The following SESN1 variants were observed in gnomAD, a reference collection of about 807,000 sequenced individuals.
The protein encoded by SESN1 is sestrin 1.
In SESN1, 30 loss-of-function variants were observed where a neutral mutation model predicts 59.3. That is an observed-to-expected ratio of 0.51 (90% confidence interval 0.38 to 0.69). The LOEUF (loss-of-function observed/expected upper bound fraction) is 0.69. SESN1 is among the 30% of genes least tolerant of loss of function. SESN1 has a pLI of 0.00. For synonymous variants in SESN1, 197 were observed against 219.9 expected, an observed-to-expected ratio of 0.90 and a Z score of 0.92; for missense variants, 566 against 673.0, an observed-to-expected ratio of 0.84 and a Z score of 1.76.
At chr6:109,032,632 G>A (rs1284039655) in intron 1 of SESN1, among the ~76,000 whole-genome samples, 1 of 151,872 alleles carries the variant, frequency 6.6e-6, no homozygotes, top group Non-Finnish European at 1.5e-5. Flanking sequence ...GGGGAGTGGG[G>A]GGGAAGAGAA....
At chr6:109,013,157 G>A (rs760452756) in intron 1 of SESN1, among the ~76,000 whole-genome samples, 9 of 152,104 alleles carry the variant, frequency 5.9e-5, no homozygotes, top group East Asian at 1.9e-4. Context: ...TAAAGAATAC[G>A]GATTTCATTC....
intron 9 of SESN1, 21 bp downstream of exon 9, chr6:108,988,522 T>C (rs2128526744): frequency 6.3e-7 from 1 of 1,583,298 alleles, no homozygotes; most frequent in East Asian, 2.3e-5. Context: ...ACAAAGTAAA[T>C]AAGCCACAAT....
intron 1 of SESN1, among the ~76,000 whole-genome samples, chr6:109,046,696 G>A (rs1254980136): frequency 5.9e-5 from 8 of 136,150 alleles, no homozygotes; most frequent in African/African-American, 1.4e-4. Flanking sequence ...CTGCCCGGCC[G>A]CCCATCGTCT....
chr6:109,038,262 G>A (rs1780277485), intron 1 of SESN1, among the ~76,000 whole-genome samples: 1 of 152,230 alleles, frequency 6.6e-6, no homozygotes, highest in Non-Finnish European at 1.5e-5. Context: ...AGAGACCAAG[G>A]TGGGCAGATC....
At chr6:109,012,960 A>C (rs1779884023) in intron 1 of SESN1, among the ~76,000 whole-genome samples, 1 of 125,508 alleles carries the variant, frequency 8.0e-6, no homozygotes, top group African/African-American at 2.5e-5. Flanking sequence ...CTGAAAATAC[A>C]AAAAAATTAG....
intron 1 of SESN1, among the ~76,000 whole-genome samples, chr6:109,029,384 A>C (rs1422273270): frequency 6.6e-6 from 1 of 152,244 alleles, no homozygotes; most frequent in Non-Finnish European, 1.5e-5. Flanking sequence ...GCAATTCTTA[A>C]GAGAAGCAGG....
At chr6:109,089,204 G>A (rs1056419277) in intron 1 of SESN1, among the ~76,000 whole-genome samples, 10 of 152,134 alleles carry the variant, frequency 6.6e-5, no homozygotes, top group African/African-American at 2.2e-4. Context: ...AATTGCATAT[G>A]CACCACAGCT....
intron 5 of SESN1, 89 bp from the exon 6 acceptor site, chr6:108,994,698 CTTTTTTT>C (rs11395949): frequency 1.2e-4 from 35 of 293,018 alleles, no homozygotes; most frequent in Non-Finnish European, 1.5e-4. Flanking sequence ...GAATTTATAT[CTTTTTTT>C]TTTTTTTTTT....
intron 6 of SESN1, among the ~76,000 whole-genome samples, chr6:108,993,906 C>G (rs572629938): frequency 1.9e-3 from 288 of 151,964 alleles, no homozygotes; most frequent in African/African-American, 6.7e-3. Context: ...ACTCTAGAAG[C>G]AATCTTGGGA....
chr6:109,001,493 A>G lies in SESN1; in HGVS notation c.346-5T>C. 4.3e-6 allele frequency: 7 copies of G among 1,609,840 alleles called. No individual in the cohort carries two copies. Among genetic ancestry groups the G allele is most frequent in the Non-Finnish European group, 5.9e-6 (7 of 1,177,820 alleles). ...TTCACTCCCCACTTGGAGGATCTGT[A>G]TAAATGAGAAAAACCATGGTTACTG... On this transcript the variant is annotated splice_polypyrimidine_tract_variant and splice_region_variant and intron_variant, in intron 2 of 9. Coordinates refer to ENST00000436639, the MANE Select transcript of SESN1 (RefSeq NM_014454.3).
At chr6:109,085,477 C>G (rs1781198735) in intron 1 of SESN1, among the ~76,000 whole-genome samples, 1 of 151,904 alleles carries the variant, frequency 6.6e-6, no homozygotes, top group South Asian at 2.1e-4. Flanking sequence ...CGAGGTCGCA[C>G]CACTGCACTC....
intron 1 of SESN1, among the ~76,000 whole-genome samples, chr6:109,084,530 G>A (rs1310302219): frequency 6.6e-6 from 1 of 152,018 alleles, no homozygotes; most frequent in Non-Finnish European, 1.5e-5. Context: ...TCCAGCCTGG[G>A]CAACAAGAGC....
At chr6:109,080,707 A>G (rs1781106790) in intron 1 of SESN1, among the ~76,000 whole-genome samples, 1 of 152,174 alleles carries the variant, frequency 6.6e-6, no homozygotes, top group South Asian at 2.1e-4. Context: ...AATGAGGTAT[A>G]ATGTTGGAAA....
chr6:109,074,381 A>G (rs1463931652), intron 1 of SESN1, among the ~76,000 whole-genome samples: 1 of 152,228 alleles, frequency 6.6e-6, no homozygotes, highest in Non-Finnish European at 1.5e-5. Context: ...TAAAAATGAA[A>G]TGAGAAAATT....
At chr6:109,054,873 T>C (rs544150891) in intron 1 of SESN1, among the ~76,000 whole-genome samples, 1 of 152,238 alleles carries the variant, frequency 6.6e-6, no homozygotes, top group East Asian at 1.9e-4. Flanking sequence ...AAACTATCTT[T>C]TCCATTAAAG....
At chr6:109,024,910 G>T (rs1315159292) in intron 1 of SESN1, among the ~76,000 whole-genome samples, 1 of 152,216 alleles carries the variant, frequency 6.6e-6, no homozygotes, top group Non-Finnish European at 1.5e-5. Context: ...AGACCTGTGT[G>T]TAAGAAATAT....
intron 1 of SESN1, among the ~76,000 whole-genome samples, chr6:109,019,856 T>A (rs973219439): frequency 7.2e-5 from 11 of 152,214 alleles, no homozygotes; most frequent in African/African-American, 2.7e-4. Flanking sequence ...AATTAGATTT[T>A]AAAAATTAAA....
At chr6:109,085,315 C>T (rs1781194547) in intron 1 of SESN1, among the ~76,000 whole-genome samples, 1 of 152,012 alleles carries the variant, frequency 6.6e-6, no homozygotes. Context: ...GTGAGTAGAT[C>T]GAGACCATCC....
chr6:109,014,008 T>A (rs944074760), intron 1 of SESN1, among the ~76,000 whole-genome samples: 3 of 149,388 alleles, frequency 2.0e-5, no homozygotes, highest in Admixed American at 2.0e-4. Context: ...GCTCTATACT[T>A]TTTTTTTTTT....
Sources: allele counts gnomAD v4.1 joint callset (sites outside exome capture counted in the v4.1 genomes callset), GRCh38; gene constraint gnomAD v4.1.1; transcripts MANE v1.5; gene names NCBI Gene and HGNC (gene_info 2026-07-23, HGNC 2026-07-21).